NCKAP5: variants seen among roughly 807,000 people sequenced by gnomAD.
The protein encoded by NCKAP5 is NCK associated protein 5.
Under a neutral mutation model 167.0 loss-of-function variants are expected in NCKAP5, and 92 were observed. The observed-to-expected ratio is 0.55, with a 90% CI of 0.47 to 0.66. The LOEUF (loss-of-function observed/expected upper bound fraction) is 0.66. Ranked by LOEUF, NCKAP5 falls within the 30% of genes least tolerant of loss-of-function variation. NCKAP5 has a pLI of 0.00. For synonymous variants in NCKAP5, 891 were observed against 877.4 expected, an observed-to-expected ratio of 1.02 and a Z score of -0.27; for missense variants, 2,378 against 2,315.0, an observed-to-expected ratio of 1.03 and a Z score of -0.56.
chr2:132,750,150 A>T (rs1184259159), intron 16 of NCKAP5, among the ~76,000 whole-genome samples: 1 of 152,196 alleles, frequency 6.6e-6, no homozygotes, highest in African/African-American at 2.4e-5. Context: ...TGTATGAAAG[A>T]TGTCAAGGCT....
intron 19 of NCKAP5, among the ~76,000 whole-genome samples, chr2:132,701,128 C>G (rs2105241648): frequency 6.6e-6 from 1 of 152,006 alleles, no homozygotes; most frequent in Non-Finnish European, 1.5e-5. Context: ...AAACTAAAAG[C>G]TATTCCTTGT....
intron 7 of NCKAP5, among the ~76,000 whole-genome samples, chr2:132,993,816 C>T (rs2077513388): frequency 6.6e-6 from 1 of 152,198 alleles, no homozygotes; most frequent in African/African-American, 2.4e-5. Context: ...GAGGCATTCT[C>T]TCTCCTGTGC....
intron 6 of NCKAP5, among the ~76,000 whole-genome samples, chr2:133,120,335 C>G (rs1267501853): frequency 1.3e-5 from 2 of 152,186 alleles, no homozygotes; most frequent in African/African-American, 4.8e-5. Context: ...ACCATCTTAA[C>G]AGAATTATTT....
chr2:132,894,177 A>G (rs1692951585), intron 8 of NCKAP5, among the ~76,000 whole-genome samples: 1 of 152,358 alleles, frequency 6.6e-6, no homozygotes, highest in East Asian at 1.9e-4. Flanking sequence ...ATGCTATTGT[A>G]GCATTCCTTT....
In NCKAP5 at chr2:132,840,306, C is replaced by T. The variant is rs184798571; in HGVS notation, c.807+20186G>A. On this transcript the variant is annotated intron_variant, in intron 11 of 19. Transcript: ENST00000409261. Reference sequence around the variant, plus strand: ...TTTTTTTTTTTTTGAGATAGAGTCTCGCTCTGTTGACCAGGTTGGAGTGCA... The same window carrying T: ...TTTTTTTTTTTTTGAGATAGAGTCTTGCTCTGTTGACCAGGTTGGAGTGCA... Among the ~76,000 whole-genome samples, 87 of 143,902 alleles carry T rather than the reference C, an allele frequency of 6.0e-4. 1 individual carries two copies. In the East Asian group the frequency reaches 7.0e-3, roughly 12 times the overall value. 94.4% of individuals were successfully genotyped at this position (143,902 alleles called of 152,430 possible).
chr2:133,368,064 A>G (rs1426764153), intron 3 of NCKAP5, among the ~76,000 whole-genome samples: 1 of 152,226 alleles, frequency 6.6e-6, no homozygotes, highest in Non-Finnish European at 1.5e-5. Context: ...AGCTCCATAC[A>G]GAAGGTAGAA....
At chr2:132,752,237 G>C (rs557668527) in intron 16 of NCKAP5, among the ~76,000 whole-genome samples, 1 of 152,280 alleles carries the variant, frequency 6.6e-6, no homozygotes, top group East Asian at 1.9e-4. Flanking sequence ...CCCTTCCCCC[G>C]TGCACAGGCC....
intron 8 of NCKAP5, among the ~76,000 whole-genome samples, chr2:132,894,418 C>A (rs564564523): frequency 6.6e-6 from 1 of 152,182 alleles, no homozygotes; most frequent in Non-Finnish European, 1.5e-5. Context: ...TAGAAAAAAA[C>A]CTATTGCCTT....
In NCKAP5 at chr2:133,084,154, G is replaced by A. The variant is rs575512170; in HGVS notation, c.341+45824C>T. Among the ~76,000 whole-genome samples, 9 of 152,214 alleles carry A rather than the reference G, an allele frequency of 5.9e-5. No homozygotes were observed. The South Asian group carries it at 1.9e-3, about 32-fold the overall frequency. Reference sequence around the variant, plus strand: ...TTGGAGAACTCACACATTATCCAGGGTGGCTGGATAAGGAAAAAGAAGTTG... The same window carrying A: ...TTGGAGAACTCACACATTATCCAGGATGGCTGGATAAGGAAAAAGAAGTTG... On this transcript the variant is annotated intron_variant, in intron 6 of 19. Transcript: ENST00000409261.
chr2:132,969,289 C>T (rs535170401), intron 7 of NCKAP5, among the ~76,000 whole-genome samples: 8 of 152,302 alleles, frequency 5.3e-5, no homozygotes, highest in African/African-American at 1.9e-4. Context: ...CCACCCACCT[C>T]AGCCTCCCAA....
At chr2:133,440,922 G>A (rs1354675845) in intron 3 of NCKAP5, among the ~76,000 whole-genome samples, 2 of 152,026 alleles carry the variant, frequency 1.3e-5, no homozygotes, top group Non-Finnish European at 2.9e-5. Context: ...TATTATTAAG[G>A]ATGAAACTAC....
At chr2:133,111,589 C>T (rs1411275422) in intron 6 of NCKAP5, among the ~76,000 whole-genome samples, 2 of 152,214 alleles carry the variant, frequency 1.3e-5, no homozygotes, top group Non-Finnish European at 2.9e-5. Context: ...TCTACAAACA[C>T]ACCCATGACC....
chr2:133,461,220 T>C (rs1181040591), intron 3 of NCKAP5, among the ~76,000 whole-genome samples: 1 of 152,156 alleles, frequency 6.6e-6, no homozygotes, highest in African/African-American at 2.4e-5. Context: ...TATTTATCTT[T>C]GAGAGGTGAA....
rs1198645790 is a variant in NCKAP5 at position 133,394,205 on chromosome 2, C to G, written c.70-91095G>C. Among the ~76,000 whole-genome samples the G allele has an allele frequency of 3.9e-5, 6 of 152,316 alleles. No individual in the cohort carries two copies. In the South Asian group the frequency reaches 1.0e-3, roughly 26 times the overall value. ...ATATGCTAGCTTGACTTTTTAAAGT[C>G]AGATGCTGTATTAGGTGCTAGCGAA... is the stretch of plus-strand genomic sequence containing the variant. On this transcript the variant is annotated intron_variant, in intron 3 of 19. Transcript: ENST00000409261.
At chr2:133,087,317 G>A (rs767232767) in intron 6 of NCKAP5, among the ~76,000 whole-genome samples, 3 of 152,088 alleles carry the variant, frequency 2.0e-5, no homozygotes, top group Admixed American at 6.5e-5. Flanking sequence ...ACAAAGTAAC[G>A]CAAAGACCAA....
At chr2:133,270,946 G>C (rs1345406553) in intron 4 of NCKAP5, among the ~76,000 whole-genome samples, 1 of 142,796 alleles carries the variant, frequency 7.0e-6, no homozygotes, top group Non-Finnish European at 1.5e-5. Context: ...TTGAGAGGGA[G>C]TCTCACTCTG....
At chr2:133,114,744 T>C (rs565634866) in intron 6 of NCKAP5, among the ~76,000 whole-genome samples, 1 of 152,288 alleles carries the variant, frequency 6.6e-6, no homozygotes, top group East Asian at 1.9e-4. Context: ...GAATTTCCCA[T>C]AGTTTGGATT....
chr2:133,271,104 T>C (rs866791773), intron 4 of NCKAP5, among the ~76,000 whole-genome samples: 2 of 143,032 alleles, frequency 1.4e-5, no homozygotes, highest in East Asian at 2.0e-4. Flanking sequence ...TTTTTTTTTT[T>C]CCTATTTTTA....
intron 6 of NCKAP5, among the ~76,000 whole-genome samples, chr2:133,048,521 T>C (rs1010415876): frequency 1.3e-5 from 2 of 152,242 alleles, no homozygotes; most frequent in African/African-American, 4.8e-5. Context: ...TTATAATGGA[T>C]ACTTGTTTGT....
Sources: allele counts gnomAD v4.1 joint callset (sites outside exome capture counted in the v4.1 genomes callset), GRCh38; gene constraint gnomAD v4.1.1; transcripts MANE v1.5; gene names NCBI Gene and HGNC (gene_info 2026-07-23, HGNC 2026-07-21).